Variants in MGRN1 observed in about 807,000 individuals in gnomAD.
MGRN1 encodes the protein E3 ubiquitin-protein ligase MGRN1.
A neutral mutation model predicts 69.2 loss-of-function variants in MGRN1; 29 were observed. The ratio of observed to expected loss-of-function variants is 0.42; its 90% CI spans 0.31 to 0.57. The LOEUF (loss-of-function observed/expected upper bound fraction) is 0.57. MGRN1 is among the 20% of genes least tolerant of loss of function. The pLI is 0.15. For synonymous variants in MGRN1, 470 were observed against 344.2 expected (o/e 1.37, Z -4.04); for missense variants, 998 against 796.2 (o/e 1.25, Z -3.05).
intron 1 of MGRN1, among the ~76,000 whole-genome samples, chr16:4,648,636 C>G (rs1379778755): frequency 1.1e-5 from 1 of 95,176 alleles, no homozygotes; most frequent in Non-Finnish European, 1.9e-5. Context: ...CGGGACTCTT[C>G]CCGTGGTCAC....
chr16:4,645,644 G>T (rs775323653), intron 1 of MGRN1, among the ~76,000 whole-genome samples: 14 of 152,210 alleles, frequency 9.2e-5, no homozygotes, highest in Non-Finnish European at 1.6e-4. Context: ...GGTGTCAGAA[G>T]AGGCCTCGTG....
At chr16:4,631,656 A>C (rs1195251892) in intron 1 of MGRN1, among the ~76,000 whole-genome samples, 1 of 152,254 alleles carries the variant, frequency 6.6e-6, no homozygotes, top group East Asian at 1.9e-4. Context: ...TTGTGAAATC[A>C]GGTAGCATAA....
intron 6 of MGRN1, 120 bp from the exon 7 acceptor site, chr16:4,664,982 C>G (rs2078767302): frequency 7.9e-7 from 1 of 1,264,396 alleles, no homozygotes; most frequent in Non-Finnish European, 1.1e-6. Context: ...AGGCTCAGGA[C>G]TCTATGGACT....
At chr16:4,634,519 T>C (rs1449428601) in intron 1 of MGRN1, 1 of 152,454 alleles carries the variant, frequency 6.6e-6, no homozygotes, top group Non-Finnish European at 1.5e-5. Flanking sequence ...CGTGGTGTCG[T>C]CTGCACCATC....
At chr16:4,652,954 C>T (rs1417240006) in intron 4 of MGRN1, 130 bp downstream of exon 4, 9 of 1,230,670 alleles carry the variant, frequency 7.3e-6, no homozygotes, top group Non-Finnish European at 8.6e-6. Flanking sequence ...CAGGACTTTA[C>T]CACGATGTGA....
intron 4 of MGRN1, among the ~76,000 whole-genome samples, chr16:4,656,931 A>AAACC (rs922617207): frequency 7.9e-5 from 12 of 151,430 alleles, no homozygotes; most frequent in African/African-American, 2.9e-4. Flanking sequence ...ATAAATAAAC[A>AAACC]AACCAACTTA....
chr16:4,677,375 G>T, intron 10 of MGRN1, 88 bp from the exon 11 acceptor site: 2 of 991,252 alleles, frequency 2.0e-6, no homozygotes, highest in Non-Finnish European at 2.9e-6. Flanking sequence ...CTATGGTGTG[G>T]GGGGGGTGTT....
intron 1 of MGRN1, among the ~76,000 whole-genome samples, chr16:4,626,040 T>G (rs1214097170): frequency 1.3e-5 from 2 of 152,254 alleles, no homozygotes; most frequent in Non-Finnish European, 2.9e-5. Context: ...AGGGCCTGCC[T>G]GGGACCCCTT....
At chr16:4,642,956 T>G (rs1172461082) in intron 1 of MGRN1, among the ~76,000 whole-genome samples, 3 of 137,266 alleles carry the variant, frequency 2.2e-5, no homozygotes, top group Non-Finnish European at 4.6e-5. Flanking sequence ...TAGCTAATTT[T>G]TTTTGTTTTG....
chr16:4,642,033 C>T lies in MGRN1; in HGVS notation c.89-8332C>T, dbSNP rs73516845. Among the ~76,000 whole-genome samples, 378 of 151,936 alleles carry T rather than the reference C, an allele frequency of 2.5e-3. 3 individuals carry two copies. The highest frequency in any genetic ancestry group is 8.9e-3 in the African/African-American group (367 of 41,396). On this transcript the variant is annotated intron_variant, in intron 1 of 16. Coordinates refer to ENST00000262370, the MANE Select transcript of MGRN1 (RefSeq NM_015246.4). ...GGTGTGAGTTGTTGATTGTCTGCGC[C>T]GTGTTGATCACGTAGACCCTGTTCT...
At chr16:4,665,762 C>T (rs967482773) in intron 7 of MGRN1, among the ~76,000 whole-genome samples, 2 of 151,326 alleles carry the variant, frequency 1.3e-5, no homozygotes, top group Non-Finnish European at 2.9e-5. Flanking sequence ...CTCTGCCTCC[C>T]AGGTTCAAGC....
At chr16:4,665,034 C>T (rs1156588034) in intron 6 of MGRN1, 68 bp from the exon 7 acceptor site, 11 of 1,571,868 alleles carry the variant, frequency 7.0e-6, no homozygotes, top group African/African-American at 1.3e-5. Context: ...CTACCAGGGT[C>T]GGGGAGGTGA....
chr16:4,654,332 G>A (rs530144952), intron 4 of MGRN1, among the ~76,000 whole-genome samples: 97 of 152,338 alleles, frequency 6.4e-4, no homozygotes, highest in Non-Finnish European at 1.1e-3. Context: ...GTCAGGAACT[G>A]GGGCTGGGAC....
chr16:4,638,375 G>C (rs540742569), intron 1 of MGRN1, among the ~76,000 whole-genome samples: 1 of 152,026 alleles, frequency 6.6e-6, no homozygotes, highest in Non-Finnish European at 1.5e-5. Flanking sequence ...TGAGGCAGGA[G>C]AATCACCTGA....
chr16:4,628,527 C>T (rs533395580), intron 1 of MGRN1, among the ~76,000 whole-genome samples: 1 of 152,250 alleles, frequency 6.6e-6, no homozygotes, highest in African/African-American at 2.4e-5. Flanking sequence ...CAACCCCCAC[C>T]CTCAGCCCAT....
chr16:4,677,817 G>T (rs945120101), intron 11 of MGRN1, among the ~76,000 whole-genome samples: 3 of 150,404 alleles, frequency 2.0e-5, no homozygotes, highest in African/African-American at 4.9e-5. Flanking sequence ...CGCGGTCGAG[G>T]TCTCGGTGGA....
Position 4,663,651 on chromosome 16 carries a change from G to C in MGRN1, c.562-1058G>C, listed in dbSNP as rs1232995316. Among the ~76,000 whole-genome samples the C allele has an allele frequency of 2.6e-5, 4 of 152,234 alleles. No homozygotes were observed. In the East Asian group the frequency reaches 7.7e-4, roughly 29 times the overall value. On this transcript the variant is annotated intron_variant, in intron 5 of 16. Coordinates refer to ENST00000262370, the MANE Select transcript of MGRN1 (RefSeq NM_015246.4). ...CTCTATGGAGGGAGTCAGGGAGCCT[G>C]ATGGTGGCCGGTGGCTTTCCTGGTT... is the stretch of plus-strand genomic sequence containing the variant.
intron 1 of MGRN1, 145 bp downstream of exon 1, chr16:4,625,193 G>C (rs372871899): frequency 1.4e-6 from 1 of 719,392 alleles, no homozygotes; most frequent in Non-Finnish European, 2.0e-6. Flanking sequence ...GCGGCCCCAC[G>C]GCCCCGATCC....
intron 3 of MGRN1, among the ~76,000 whole-genome samples, chr16:4,652,329 G>A (rs1044283117): frequency 6.6e-6 from 1 of 152,060 alleles, no homozygotes; most frequent in Non-Finnish European, 1.5e-5. Context: ...GGTGCCAGGG[G>A]TGCTGCAGAC....
Sources: gnomAD v4.1 joint callset for allele counts (sites outside exome capture counted in the v4.1 genomes callset) on GRCh38, gnomAD v4.1.1 for gene constraint, MANE v1.5 for transcripts, NCBI Gene and HGNC (gene_info 2026-07-23, HGNC 2026-07-21) for gene names.